Variants in SLC13A3 observed in about 807,000 individuals in gnomAD.
SLC13A3 encodes solute carrier family 13 member 3.
SLC13A3 carries 40 observed loss-of-function variants against 59.0 expected under a neutral mutation model. The ratio of observed to expected loss-of-function variants is 0.68; its 90% CI spans 0.53 to 0.88. The LOEUF (loss-of-function observed/expected upper bound fraction) is 0.88, where lower values mean the gene tolerates loss of function less well. Among genes scored for constraint, SLC13A3 ranks in the 40% least tolerant of loss-of-function variants. The pLI is 0.00. For synonymous variants in SLC13A3, 317 were observed against 330.3 expected (o/e 0.96, Z 0.44); for missense variants, 699 against 783.2 (o/e 0.89, Z 1.28).
At chr20:46,659,681 A>G (rs1240461508) in intron 1 of SLC13A3, among the ~76,000 whole-genome samples, 1 of 147,030 alleles carries the variant, frequency 6.8e-6, no homozygotes, top group Non-Finnish European at 1.5e-5. Context: ...ACAGTACTGC[A>G]CTCCAGCCTG....
chr20:46,646,340 A>G (rs2062894020), intron 1 of SLC13A3, among the ~76,000 whole-genome samples: 1 of 152,190 alleles, frequency 6.6e-6, no homozygotes, highest in African/African-American at 2.4e-5. Context: ...AAAAATGGGG[A>G]TAATTTTTGT....
chr20:46,656,077 CATAT>C (rs902115323), upstream of SLC13A3, among the ~76,000 whole-genome samples: 5 of 141,596 alleles, frequency 3.5e-5, no homozygotes, highest in African/African-American at 1.3e-4. Flanking sequence ...ACTATATATA[CATAT>C]ATATTATATA....
chr20:46,592,272 C>G, intron 6 of SLC13A3, 132 bp downstream of exon 6: 1 of 1,114,864 alleles, frequency 9.0e-7, no homozygotes, highest in Non-Finnish European at 1.3e-6. Flanking sequence ...TACATACATA[C>G]ATACATAAAA....
At chr20:46,576,129 G>A (rs1325251779) in intron 9 of SLC13A3, among the ~76,000 whole-genome samples, 3 of 152,018 alleles carry the variant, frequency 2.0e-5, no homozygotes, top group Non-Finnish European at 2.9e-5. Context: ...CCTCGCAAGT[G>A]GCAGCGCTGC....
At chr20:46,614,358 G>C (rs2122755150) in intron 1 of SLC13A3, among the ~76,000 whole-genome samples, 1 of 152,350 alleles carries the variant, frequency 6.6e-6, no homozygotes, top group South Asian at 2.1e-4. Context: ...GGCCATCATT[G>C]GTTGAGGGCT....
At chr20:46,604,454 CA>C (rs1244906737) in intron 3 of SLC13A3, among the ~76,000 whole-genome samples, 2 of 152,108 alleles carry the variant, frequency 1.3e-5, no homozygotes, top group African/African-American at 4.8e-5. Context: ...AAGCAAGACA[CA>C]AAAAAAGTTT....
chr20:46,597,515 C>T (rs2062325876), intron 4 of SLC13A3, among the ~76,000 whole-genome samples: 1 of 152,200 alleles, frequency 6.6e-6, no homozygotes, highest in African/African-American at 2.4e-5. Flanking sequence ...CGGCTCACTG[C>T]TACCTCTGCC....
intron 1 of SLC13A3, among the ~76,000 whole-genome samples, chr20:46,660,006 A>C (rs904913791): frequency 6.6e-6 from 1 of 152,332 alleles, no homozygotes; most frequent in East Asian, 1.9e-4. Flanking sequence ...TTCTATAAAT[A>C]AGGGCTTTTC....
At chr20:46,631,885 C>G (rs945713660) in intron 1 of SLC13A3, among the ~76,000 whole-genome samples, 3 of 152,146 alleles carry the variant, frequency 2.0e-5, no homozygotes, top group Admixed American at 1.3e-4. Context: ...CTACTGCCCC[C>G]CAACTTGCCC....
At chr20:46,571,101 C>CA (rs1336774640) in intron 10 of SLC13A3, among the ~76,000 whole-genome samples, 1 of 152,092 alleles carries the variant, frequency 6.6e-6, no homozygotes, top group East Asian at 1.9e-4. Flanking sequence ...AAGCCCCTTA[C>CA]AAAAAATCAT....
intron 1 of SLC13A3, among the ~76,000 whole-genome samples, chr20:46,665,063 T>G (rs1304886432): frequency 1.3e-5 from 2 of 152,038 alleles, no homozygotes; most frequent in African/African-American, 4.8e-5. Context: ...TCAGTGTTAC[T>G]GAGATATAGT....
chr20:46,623,011 T>C (rs558708641), intron 1 of SLC13A3, among the ~76,000 whole-genome samples: 18 of 152,356 alleles, frequency 1.2e-4, no homozygotes, highest in African/African-American at 4.3e-4. Flanking sequence ...CTGGCTTCAA[T>C]GGTAATTCTA....
chr20:46,575,750 C>T, intron 9 of SLC13A3, 65 bp from the exon 10 acceptor site: 1 of 966,562 alleles, frequency 1.0e-6, no homozygotes, highest in Non-Finnish European at 1.5e-6. Flanking sequence ...GGCCACCAGC[C>T]CTGAGCCCCA....
chr20:46,655,590 T>G (rs1600621592), upstream of SLC13A3, among the ~76,000 whole-genome samples: 1 of 147,762 alleles, frequency 6.8e-6, no homozygotes, highest in African/African-American at 2.5e-5. Context: ...ATTGTATGGA[T>G]ATACCATATC....
At chr20:46,673,724 T>C (rs2063106005), upstream of SLC13A3, 1 of 152,186 alleles carries the variant, frequency 6.6e-6, no homozygotes, top group South Asian at 2.1e-4. Context: ...TACCACTAGG[T>C]TAAACTCCAG....
At chr20:46,670,063 T>C (rs995981781) in exon 1 of SLC13A3, 9 of 152,194 alleles carry the variant, frequency 5.9e-5, no homozygotes, top group African/African-American at 2.2e-4. Flanking sequence ...TCCTAGAAGG[T>C]GCACTGGGAG....
intron 1 of SLC13A3, among the ~76,000 whole-genome samples, chr20:46,618,034 T>G (rs1023523376): frequency 6.6e-6 from 1 of 152,162 alleles, no homozygotes; most frequent in Non-Finnish European, 1.5e-5. Flanking sequence ...AAATTAACTC[T>G]TGGACCCCTT....
intron 1 of SLC13A3, among the ~76,000 whole-genome samples, chr20:46,639,451 T>A (rs1442988264): frequency 6.6e-6 from 1 of 152,014 alleles, no homozygotes; most frequent in East Asian, 1.9e-4. Flanking sequence ...AGAGTGAGAC[T>A]CTGTCTCAGA....
At chr20:46,594,254 A>T (rs944861948) in intron 5 of SLC13A3, among the ~76,000 whole-genome samples, 1 of 149,724 alleles carries the variant, frequency 6.7e-6, no homozygotes, top group African/African-American at 2.4e-5. Flanking sequence ...TATAATATAT[A>T]TTACATACTT....
Sources: allele counts gnomAD v4.1 joint callset (sites outside exome capture counted in the v4.1 genomes callset), GRCh38; gene constraint gnomAD v4.1.1; transcripts MANE v1.5; gene names NCBI Gene and HGNC (gene_info 2026-07-23, HGNC 2026-07-21).